SLC10A7: variants seen among roughly 807,000 people sequenced by gnomAD.
SLC10A7 encodes solute carrier family 10 member 7, also known as sodium/bile acid cotransporter 7.
A neutral mutation model predicts 43.2 loss-of-function variants in SLC10A7; 29 were observed. The observed-to-expected ratio is 0.67, with a 90% CI of 0.50 to 0.92. SLC10A7 has a LOEUF of 0.92. SLC10A7 is among the 40% of genes least tolerant of loss of function. SLC10A7 has a pLI of 0.00. For synonymous variants in SLC10A7, 152 were observed against 144.8 expected (o/e 1.05, Z -0.35); for missense variants, 295 against 403.2 (o/e 0.73, Z 2.30).
intron 5 of SLC10A7, among the ~76,000 whole-genome samples, chr4:146,417,713 T>C (rs1728673621): frequency 6.6e-6 from 1 of 152,200 alleles, no homozygotes; most frequent in South Asian, 2.1e-4. Context: ...TAGTGAAGAC[T>C]TTAAGCTTGC....
At chr4:146,384,985 A>C (rs1049285774) in intron 5 of SLC10A7, among the ~76,000 whole-genome samples, 18 of 152,122 alleles carry the variant, frequency 1.2e-4, no homozygotes, top group African/African-American at 3.1e-4. Flanking sequence ...CTAAGAATCA[A>C]CTACCCTTAC....
chr4:146,350,671 G>A (rs1289167208), intron 5 of SLC10A7, among the ~76,000 whole-genome samples: 1 of 103,196 alleles, frequency 9.7e-6, no homozygotes, highest in East Asian at 2.4e-4. Context: ...CTCCCAGCAC[G>A]CAGCTGGAGA....
intron 5 of SLC10A7, among the ~76,000 whole-genome samples, chr4:146,338,960 C>T (rs1491000753): frequency 6.6e-6 from 1 of 151,762 alleles, no homozygotes; most frequent in African/African-American, 2.4e-5. Flanking sequence ...TATGGGAGAA[C>T]ATTTTTGAAA....
At chr4:146,404,890 GAC>G (rs1739476098) in intron 5 of SLC10A7, among the ~76,000 whole-genome samples, 1 of 152,072 alleles carries the variant, frequency 6.6e-6, no homozygotes, top group South Asian at 2.1e-4. Flanking sequence ...TTTTGTTATT[GAC>G]AGTTTTGTTT....
rs1244555131 is a variant in SLC10A7, at chr4:146,286,000, G to A, written c.774-2735C>T. Among the ~76,000 whole-genome samples the A allele has an allele frequency of 2.6e-5, 4 of 151,078 alleles. No individual in the cohort carries two copies. The East Asian group carries it at 5.9e-4, about 22-fold the overall frequency. On this transcript the variant is annotated intron_variant, in intron 9 of 11. Coordinates refer to ENST00000335472, the MANE Select transcript of SLC10A7 (RefSeq NM_001029998.6). Reference sequence around the variant, plus strand: ...GGTGAGAAGGACTGTGTTTGGAGTGGTGAAAAGGACTGTGTTTGGAGTGGT... The same window carrying A: ...GGTGAGAAGGACTGTGTTTGGAGTGATGAAAAGGACTGTGTTTGGAGTGGT...
At chr4:146,304,882 T>A (rs1460865256) in intron 7 of SLC10A7, among the ~76,000 whole-genome samples, 2 of 151,976 alleles carry the variant, frequency 1.3e-5, no homozygotes, top group East Asian at 3.9e-4. Context: ...TGTGTGGGAG[T>A]CTAAGTCTCT....
intron 4 of SLC10A7, among the ~76,000 whole-genome samples, chr4:146,500,589 G>T (rs1019930163): frequency 1.1e-4 from 17 of 151,870 alleles, no homozygotes; most frequent in African/African-American, 4.1e-4. Flanking sequence ...TATTACTCCA[G>T]CATACACACT....
chr4:146,504,538 A>G (rs1384469515), intron 3 of SLC10A7, among the ~76,000 whole-genome samples: 1 of 144,092 alleles, frequency 6.9e-6, no homozygotes, highest in Non-Finnish European at 1.5e-5. Context: ...AAAAAAAAAA[A>G]GAAAGATAAC....
intron 4 of SLC10A7, chr4:146,477,827 T>C (rs1203097263): frequency 1.3e-5 from 2 of 152,228 alleles, no homozygotes; most frequent in Non-Finnish European, 2.9e-5. Flanking sequence ...ATACAAACCA[T>C]GTAGTTCCTA....
rs998663916 is a variant in SLC10A7 at position 146,521,600 on chromosome 4, C to T, written c.100+18G>A. On this transcript the variant is annotated intron_variant, in intron 1 of 11. Coordinates refer to ENST00000335472, the MANE Select transcript of SLC10A7 (RefSeq NM_001029998.6). ...GAAGTGGGAGCCGCGGTGGAGCCGG[C>T]AGAGGTGCAGCACTTACCCCCATTC... The T allele has an allele frequency of 5.6e-6, 9 of 1,600,716 alleles. No individual in the cohort carries two copies. Among genetic ancestry groups the T allele is most frequent in the Admixed American group, 1.7e-5 (1 of 59,204 alleles).
chr4:146,334,308 A>C (rs1005803569), intron 5 of SLC10A7, among the ~76,000 whole-genome samples: 2 of 152,128 alleles, frequency 1.3e-5, no homozygotes, highest in East Asian at 3.9e-4. Flanking sequence ...TTACTGCTAC[A>C]GAAAATAAGT....
intron 5 of SLC10A7, among the ~76,000 whole-genome samples, chr4:146,369,519 C>T (rs1055925227): frequency 6.6e-6 from 1 of 152,094 alleles, no homozygotes; most frequent in African/African-American, 2.4e-5. Context: ...TTGAATATTT[C>T]TTTACTGGTG....
At chr4:146,465,836 T>A (rs912976871) in intron 4 of SLC10A7, among the ~76,000 whole-genome samples, 21 of 152,308 alleles carry the variant, frequency 1.4e-4, no homozygotes, top group African/African-American at 4.6e-4. Flanking sequence ...TGAGTTAACA[T>A]GTACTGAAAG....
At position 146,328,302 on chromosome 4, in the gene SLC10A7, G is replaced by A. The variant is rs187421121; in HGVS notation, c.436-2306C>T. ...AATGTTCATGTTGTCTGGGGGCCTCGGGATTTACCCACACTTCCTTATCAC... is the reference window on the plus strand; with the variant it reads ...AATGTTCATGTTGTCTGGGGGCCTCAGGATTTACCCACACTTCCTTATCAC... On this transcript the variant is annotated intron_variant, in intron 5 of 11. Transcript: ENST00000335472. Among the ~76,000 whole-genome samples the A allele has an allele frequency of 4.5e-4, 69 of 152,214 alleles. 1 individual carries two copies. In the East Asian group the frequency reaches 5.8e-3, roughly 13 times the overall value.
intron 5 of SLC10A7, among the ~76,000 whole-genome samples, chr4:146,327,362 A>T (rs185122455): frequency 2.6e-5 from 4 of 152,288 alleles, no homozygotes; most frequent in African/African-American, 9.6e-5. Flanking sequence ...TGGCCTATCA[A>T]CTCCATTGGT....
intron 5 of SLC10A7, among the ~76,000 whole-genome samples, chr4:146,368,349 T>C (rs1736541052): frequency 1.3e-5 from 2 of 152,306 alleles, no homozygotes; most frequent in East Asian, 3.9e-4. Context: ...GCCCATGTGT[T>C]GACAGCTGAA....
chr4:146,289,553 T>C (rs1730260419), intron 9 of SLC10A7, among the ~76,000 whole-genome samples: 1 of 152,060 alleles, frequency 6.6e-6, no homozygotes, highest in Non-Finnish European at 1.5e-5. Flanking sequence ...TTTTTTTAAA[T>C]TTGCAGTTTC....
chr4:146,406,096 C>G (rs1429395725), intron 5 of SLC10A7, among the ~76,000 whole-genome samples: 1 of 152,120 alleles, frequency 6.6e-6, no homozygotes, highest in Admixed American at 6.5e-5. Context: ...CTTATAAGAT[C>G]TGGAAAACTA....
At chr4:146,313,412 C>T (rs1732112842) in intron 6 of SLC10A7, among the ~76,000 whole-genome samples, 1 of 152,146 alleles carries the variant, frequency 6.6e-6, no homozygotes, top group Admixed American at 6.5e-5. Flanking sequence ...AGGTGCTTCC[C>T]TTCCCTTAGT....
Sources: gnomAD v4.1 joint callset for allele counts (sites outside exome capture counted in the v4.1 genomes callset) on GRCh38, gnomAD v4.1.1 for gene constraint, MANE v1.5 for transcripts, NCBI Gene and HGNC (gene_info 2026-07-23, HGNC 2026-07-21) for gene names.